Variants in NCKAP5 observed in about 807,000 individuals in gnomAD.
NCKAP5 encodes NCK associated protein 5.
A neutral mutation model predicts 167.0 loss-of-function variants in NCKAP5; 92 were observed. The ratio of observed to expected loss-of-function variants is 0.55; its 90% CI spans 0.47 to 0.66. The LOEUF (loss-of-function observed/expected upper bound fraction) is 0.66. Among genes scored for constraint, NCKAP5 ranks in the 30% least tolerant of loss-of-function variants. The probability of loss-of-function intolerance (pLI) is 0.00; values close to 1 mark genes in which losing one functional copy is unlikely to be tolerated. For synonymous variants in NCKAP5, 891 were observed against 877.4 expected (o/e 1.02, Z -0.27); for missense variants, 2,378 against 2,315.0 (o/e 1.03, Z -0.56).
intron 8 of NCKAP5, among the ~76,000 whole-genome samples, chr2:132,939,646 A>G (rs1697135776): frequency 6.6e-6 from 1 of 152,034 alleles, no homozygotes; most frequent in Non-Finnish European, 1.5e-5. Context: ...TAAGTTCTTT[A>G]GTGGCGATTT....
chr2:133,191,020 C>A (rs2085194765), intron 5 of NCKAP5, among the ~76,000 whole-genome samples: 1 of 152,082 alleles, frequency 6.6e-6, no homozygotes, highest in Non-Finnish European at 1.5e-5. Flanking sequence ...GCATTCTACC[C>A]ATCTGACAAA....
At chr2:133,283,192 G>T (rs2089988326) in intron 4 of NCKAP5, among the ~76,000 whole-genome samples, 1 of 152,136 alleles carries the variant, frequency 6.6e-6, no homozygotes, top group Non-Finnish European at 1.5e-5. Context: ...AGAAGAGGAA[G>T]GGATGAAAAT....
At chr2:132,732,920 A>C (rs895065929) in intron 16 of NCKAP5, among the ~76,000 whole-genome samples, 4 of 152,072 alleles carry the variant, frequency 2.6e-5, no homozygotes. Flanking sequence ...ACTTCATTCG[A>C]CCCAGCTGAG....
rs2077347305 is a variant in NCKAP5, at chr2:132,988,251, T to C, written c.429+5901A>G. Among the ~76,000 whole-genome samples, 3 of 151,934 alleles carry C rather than the reference T, an allele frequency of 2.0e-5. No homozygotes were observed. In the South Asian group the frequency reaches 6.2e-4, roughly 31 times the overall value. On this transcript the variant is annotated intron_variant, in intron 7 of 19. Coordinates refer to ENST00000409261, the MANE Select transcript of NCKAP5 (RefSeq NM_207363.3). ...AGGCTGAGGTGGGCAGATCACGAGGTCAGGAGATCGAGACCATCATGGCCA... is the reference window on the plus strand; with the variant it reads ...AGGCTGAGGTGGGCAGATCACGAGGCCAGGAGATCGAGACCATCATGGCCA...
At chr2:132,797,209 T>C (rs1684677915) in intron 11 of NCKAP5, among the ~76,000 whole-genome samples, 1 of 152,244 alleles carries the variant, frequency 6.6e-6, no homozygotes, top group South Asian at 2.1e-4. Flanking sequence ...GGACACGTTT[T>C]AACTCAAAGT....
intron 6 of NCKAP5, among the ~76,000 whole-genome samples, chr2:133,029,649 T>A (rs1318750545): frequency 1.3e-5 from 2 of 152,208 alleles, no homozygotes; most frequent in African/African-American, 4.8e-5. Flanking sequence ...TGGATTTTTA[T>A]AAGTATCTAT....
At chr2:133,093,656 A>G (rs755861667) in intron 6 of NCKAP5, among the ~76,000 whole-genome samples, 1 of 152,212 alleles carries the variant, frequency 6.6e-6, no homozygotes, top group Non-Finnish European at 1.5e-5. Flanking sequence ...GAGCATATAA[A>G]TATCTCTGCA....
chr2:132,794,164 A>C, intron 12 of NCKAP5, among the ~76,000 whole-genome samples: 1 of 144,720 alleles, frequency 6.9e-6, no homozygotes, highest in Non-Finnish European at 1.5e-5. Flanking sequence ...GCCCCTGACA[A>C]ACGCTGGTGC....
chr2:132,989,570 G>A (rs2077392411), intron 7 of NCKAP5, among the ~76,000 whole-genome samples: 1 of 152,100 alleles, frequency 6.6e-6, no homozygotes, highest in African/African-American at 2.4e-5. Context: ...CAATATTTCT[G>A]TGACTCATAT....
intron 8 of NCKAP5, among the ~76,000 whole-genome samples, chr2:132,899,065 C>G (rs1428570136): frequency 6.6e-6 from 1 of 152,178 alleles, no homozygotes; most frequent in Non-Finnish European, 1.5e-5. Flanking sequence ...AAGATTGACC[C>G]CTACATCAAA....
intron 3 of NCKAP5, among the ~76,000 whole-genome samples, chr2:133,347,547 C>G (rs142928897): frequency 6.6e-6 from 1 of 151,126 alleles, no homozygotes; most frequent in East Asian, 1.9e-4. Flanking sequence ...GAGTGAAACT[C>G]CATCTCAAAA....
chr2:133,054,971 T>C (rs1277487926), intron 6 of NCKAP5, among the ~76,000 whole-genome samples: 2 of 152,232 alleles, frequency 1.3e-5, no homozygotes, highest in Non-Finnish European at 2.9e-5. Flanking sequence ...CACATATCTG[T>C]ATAAGGCCTC....
chr2:132,870,099 A>C lies in NCKAP5; in HGVS notation c.649-1125T>G, dbSNP rs111677944. Among the ~76,000 whole-genome samples the C allele has an allele frequency of 2.3e-3, 357 of 152,312 alleles. 1 individual carries two copies. The highest frequency in any genetic ancestry group is 0.01 in the Middle Eastern group (3 of 294). On this transcript the variant is annotated intron_variant, in intron 9 of 19. Coordinates refer to ENST00000409261, the MANE Select transcript of NCKAP5 (RefSeq NM_207363.3). ...GTGATTGGTTTAGGAGTGGGCATAT[A>C]ACACAATTCCAGCTAAGGACCACAT...
chr2:132,771,895 G>A (rs1371180073), intron 16 of NCKAP5, among the ~76,000 whole-genome samples: 2 of 134,142 alleles, frequency 1.5e-5, no homozygotes, highest in Non-Finnish European at 3.1e-5. Context: ...GTTTCACCGT[G>A]TTAGCCAGAA....
chr2:132,879,869 C>T (rs767136370), intron 8 of NCKAP5, among the ~76,000 whole-genome samples: 11 of 152,106 alleles, frequency 7.2e-5, no homozygotes, highest in Non-Finnish European at 1.5e-4. Context: ...AGTTTTTTCC[C>T]ATCCGTTTTT....
the NCKAP5 span, among the ~76,000 whole-genome samples, chr2:133,663,924 C>A: frequency 5.9e-5 from 9 of 152,192 alleles, no homozygotes; most frequent in African/African-American, 2.2e-4. Context: ...TTTCAATTTA[C>A]TTTGCCCAGA....
At chr2:132,868,833 A>G in intron 10 of NCKAP5, 103 bp downstream of exon 10, 2 of 732,306 alleles carry the variant, frequency 2.7e-6, no homozygotes, top group Admixed American at 3.7e-5. Context: ...GAATAAATAC[A>G]GAAGTATTGC....
At chr2:132,792,258 T>C (rs948699957) in intron 12 of NCKAP5, among the ~76,000 whole-genome samples, 4 of 152,236 alleles carry the variant, frequency 2.6e-5, no homozygotes, top group Admixed American at 2.6e-4. Context: ...CCCCTGAAAT[T>C]TGGCTCTACA....
chr2:133,513,199 T>A (rs1200634927), intron 3 of NCKAP5, among the ~76,000 whole-genome samples: 2 of 152,104 alleles, frequency 1.3e-5, no homozygotes, highest in Non-Finnish European at 2.9e-5. Flanking sequence ...CTATGAAGAA[T>A]CGTTAAGGTA....
Sources: gnomAD v4.1 joint callset for allele counts (sites outside exome capture counted in the v4.1 genomes callset) on GRCh38, gnomAD v4.1.1 for gene constraint, MANE v1.5 for transcripts, NCBI Gene and HGNC (gene_info 2026-07-23, HGNC 2026-07-21) for gene names.